The following BCKDHB variants were observed in gnomAD, a reference collection of about 807,000 sequenced individuals.
BCKDHB encodes 2-oxoisovalerate dehydrogenase subunit beta, mitochondrial.
BCKDHB carries 41 observed loss-of-function variants against 48.5 expected under a neutral mutation model. The ratio of observed to expected loss-of-function variants is 0.85; its 90% CI spans 0.66 to 1.10. The LOEUF (loss-of-function observed/expected upper bound fraction) is 1.10, where lower values mean the gene tolerates loss of function less well. BCKDHB is among the 50% of genes least tolerant of loss of function. The probability of loss-of-function intolerance (pLI) is 0.00; values close to 1 mark genes in which losing one functional copy is unlikely to be tolerated. For missense variants in BCKDHB, 496 were observed against 494.2 expected (o/e 1.00, Z -0.03); for synonymous variants, 201 against 174.8 (o/e 1.15, Z -1.18).
the BCKDHB span, chr6:80,454,269 C>T: frequency 2.0e-5 from 3 of 152,254 alleles, no homozygotes; most frequent in East Asian, 1.9e-4. Context: ...CACAATGAGT[C>T]GACTAGAAAT....
chr6:80,208,344 C>G (rs1306467150), intron 8 of BCKDHB, among the ~76,000 whole-genome samples: 2 of 151,478 alleles, frequency 1.3e-5, no homozygotes, highest in African/African-American at 2.4e-5. Context: ...TCAGAGGAAA[C>G]TTTATAGCTG....
At chr6:80,287,735 T>G (rs1766700070) in intron 9 of BCKDHB, among the ~76,000 whole-genome samples, 1 of 152,154 alleles carries the variant, frequency 6.6e-6, no homozygotes, top group Non-Finnish European at 1.5e-5. Context: ...AGGTGGGAAT[T>G]CCTGGTGGCT....
chr6:80,327,296 G>T (rs558660444), intron 9 of BCKDHB, among the ~76,000 whole-genome samples: 108 of 152,282 alleles, frequency 7.1e-4, no homozygotes, highest in African/African-American at 2.5e-3. Flanking sequence ...ATAATGAAGT[G>T]TTGAATATTT....
chr6:80,106,647 A>G (rs752265477), upstream of BCKDHB: 34 of 1,537,262 alleles, frequency 2.2e-5, no homozygotes, highest in Non-Finnish European at 3.0e-5. Flanking sequence ...CCCTCCCCGC[A>G]GGCGGCGTGC....
intron 9 of BCKDHB, among the ~76,000 whole-genome samples, chr6:80,292,859 A>G (rs917367687): frequency 1.3e-5 from 2 of 152,206 alleles, no homozygotes; most frequent in Admixed American, 6.5e-5. Flanking sequence ...CAGAAGGGCT[A>G]CAATGCCCAT....
the BCKDHB span, among the ~76,000 whole-genome samples, chr6:80,413,005 T>C: frequency 6.6e-6 from 1 of 152,178 alleles, no homozygotes; most frequent in African/African-American, 2.4e-5. Context: ...CTCAACCTAT[T>C]TGGAGTTCTT....
chr6:80,362,913 G>A, the BCKDHB span, among the ~76,000 whole-genome samples: 2 of 152,168 alleles, frequency 1.3e-5, no homozygotes, highest in East Asian at 1.9e-4. Flanking sequence ...CGTGCCTTTA[G>A]ATGTAAGTTT....
the BCKDHB span, among the ~76,000 whole-genome samples, chr6:80,358,819 A>T: frequency 6.6e-6 from 1 of 152,204 alleles, no homozygotes; most frequent in Admixed American, 6.5e-5. Flanking sequence ...TTACAAGTTT[A>T]CTAAATGTCA....
intron 3 of BCKDHB, among the ~76,000 whole-genome samples, chr6:80,164,282 C>G (rs1169612566): frequency 7.7e-6 from 1 of 130,378 alleles, no homozygotes; most frequent in East Asian, 2.7e-4. Context: ...GGACTCCTTG[C>G]CCTTCCTCTG....
chr6:80,274,498 C>A (rs528234160), intron 9 of BCKDHB, among the ~76,000 whole-genome samples: 2 of 151,714 alleles, frequency 1.3e-5, no homozygotes, highest in Admixed American at 1.3e-4. Context: ...AAGCCAGAGG[C>A]AAAACTGGAA....
chr6:80,159,711 TG>T, intron 3 of BCKDHB, among the ~76,000 whole-genome samples: 1 of 152,328 alleles, frequency 6.6e-6, no homozygotes, highest in South Asian at 2.1e-4. Context: ...AATTACTGGA[TG>T]TATTATTTAT....
intron 3 of BCKDHB, among the ~76,000 whole-genome samples, chr6:80,158,602 G>T (rs562916675): frequency 6.6e-6 from 1 of 152,218 alleles, no homozygotes; most frequent in South Asian, 2.1e-4. Flanking sequence ...GACAGCCTTG[G>T]CCAACCCTGT....
chr6:80,200,204 G>A (rs896244848), intron 6 of BCKDHB, among the ~76,000 whole-genome samples: 2 of 151,820 alleles, frequency 1.3e-5, no homozygotes, highest in Non-Finnish European at 2.9e-5. Context: ...TATATAACTT[G>A]GTTGGGCAGA....
the BCKDHB span, among the ~76,000 whole-genome samples, chr6:80,461,309 T>C: frequency 0.012 from 1,847 of 152,256 alleles, 18 homozygotes; most frequent in Non-Finnish European, 0.02. Context: ...ACCTTCATTT[T>C]TTCCCACAAA....
intron 8 of BCKDHB, among the ~76,000 whole-genome samples, chr6:80,267,010 A>G (rs1777542478): frequency 6.6e-6 from 1 of 152,030 alleles, no homozygotes; most frequent in Non-Finnish European, 1.5e-5. Context: ...CATGAAAAAA[A>G]ATTCCTCAAA....
intron 8 of BCKDHB, among the ~76,000 whole-genome samples, chr6:80,210,824 C>T (rs1002549144): frequency 2.0e-5 from 3 of 152,102 alleles, no homozygotes; most frequent in African/African-American, 7.2e-5. Flanking sequence ...CTCTCTCAAG[C>T]CTTCCCAGGA....
intron 9 of BCKDHB, among the ~76,000 whole-genome samples, chr6:80,296,126 C>T (rs1767228042): frequency 6.6e-6 from 1 of 152,120 alleles, no homozygotes; most frequent in Non-Finnish European, 1.5e-5. Flanking sequence ...GAACATTTCA[C>T]CTGTCTATGA....
chr6:80,259,540 CATATTT>C (rs1777201128), intron 8 of BCKDHB, among the ~76,000 whole-genome samples: 1 of 152,224 alleles, frequency 6.6e-6, no homozygotes, highest in Non-Finnish European at 1.5e-5. Context: ...TACAACCACA[CATATTT>C]ATAGGTCATA....
At chr6:80,153,783 C>T (rs1771908748) in intron 3 of BCKDHB, among the ~76,000 whole-genome samples, 1 of 152,114 alleles carries the variant, frequency 6.6e-6, no homozygotes, top group South Asian at 2.1e-4. Context: ...TTATTTTTAT[C>T]CTGATTTTGT....
Sources: gnomAD v4.1 joint callset for allele counts (sites outside exome capture counted in the v4.1 genomes callset) on GRCh38, gnomAD v4.1.1 for gene constraint, MANE v1.5 for transcripts, NCBI Gene and HGNC (gene_info 2026-07-23, HGNC 2026-07-21) for gene names.